The following MIPOL1 variants were observed in gnomAD, a reference collection of about 807,000 sequenced individuals.
MIPOL1 encodes mirror-image polydactyly gene 1 protein.
A neutral mutation model predicts 60.9 loss-of-function variants in MIPOL1; 57 were observed. That is an observed-to-expected ratio of 0.94 (90% CI 0.76 to 1.17). The LOEUF (loss-of-function observed/expected upper bound fraction) is 1.17, where lower values mean the gene tolerates loss of function less well. Ranked by LOEUF, MIPOL1 falls within the 50% of genes most tolerant of loss-of-function variation. The pLI, the probability that MIPOL1 is intolerant of heterozygous loss-of-function variation, is 0.00. For synonymous variants in MIPOL1, 179 were observed against 168.8 expected (o/e 1.06, Z -0.47); for missense variants, 551 against 511.6 (o/e 1.08, Z -0.74).
chr14:37,408,782 C>T (rs1178814416), intron 10 of MIPOL1, among the ~76,000 whole-genome samples: 1 of 152,160 alleles, frequency 6.6e-6, no homozygotes, highest in African/African-American at 2.4e-5. Context: ...TACCGTGTGG[C>T]AGGCAGATAC....
At chr14:37,471,083 C>T (rs888475001) in intron 11 of MIPOL1, among the ~76,000 whole-genome samples, 1 of 152,152 alleles carries the variant, frequency 6.6e-6, no homozygotes, top group African/African-American at 2.4e-5. Flanking sequence ...CATGTACTCA[C>T]TGAATCTATA....
intron 12 of MIPOL1, among the ~76,000 whole-genome samples, chr14:37,526,196 CTTTT>C (rs78866640): frequency 3.8e-5 from 5 of 133,120 alleles, no homozygotes; most frequent in Non-Finnish European, 6.5e-5. Flanking sequence ...TGTATATATG[CTTTT>C]TTTTTTTTTT....
intron 11 of MIPOL1, among the ~76,000 whole-genome samples, chr14:37,484,529 G>A (rs1389788709): frequency 1.3e-5 from 2 of 151,794 alleles, no homozygotes; most frequent in East Asian, 1.9e-4. Flanking sequence ...GTAGAGATGA[G>A]GTTTCACCAT....
chr14:37,358,023 T>C (rs1440306694), intron 9 of MIPOL1, among the ~76,000 whole-genome samples: 1 of 151,140 alleles, frequency 6.6e-6, no homozygotes, highest in South Asian at 2.1e-4. Context: ...CCGTGTGTGA[T>C]GTTCCCTGCC....
chr14:37,461,811 C>G (rs1487693075), intron 11 of MIPOL1, among the ~76,000 whole-genome samples: 1 of 152,192 alleles, frequency 6.6e-6, no homozygotes, highest in Admixed American at 6.5e-5. Context: ...CATGCTGATG[C>G]AAGAGGTAGG....
At chr14:37,449,922 C>T (rs1340035445) in intron 11 of MIPOL1, among the ~76,000 whole-genome samples, 1 of 152,086 alleles carries the variant, frequency 6.6e-6, no homozygotes, top group African/African-American at 2.4e-5. Context: ...AAGTGATTCT[C>T]CTGCCTCAGC....
intron 10 of MIPOL1, among the ~76,000 whole-genome samples, chr14:37,384,809 G>A (rs1382272425): frequency 1.3e-5 from 2 of 151,626 alleles, no homozygotes; most frequent in Non-Finnish European, 2.9e-5. Flanking sequence ...GTTTTTTAAG[G>A]GCAATTTTAT....
intron 1 of MIPOL1, among the ~76,000 whole-genome samples, chr14:37,221,340 C>G (rs1057421916): frequency 6.6e-6 from 1 of 152,202 alleles, no homozygotes; most frequent in Non-Finnish European, 1.5e-5. Flanking sequence ...AACAAAACTA[C>G]TCTTGTGATA....
At position 37,299,658 on chromosome 14, in the gene MIPOL1, A is replaced by G. The variant is rs1401496624; in HGVS notation, c.624-8398A>G. Reference sequence around the variant, plus strand: ...TATTTCTAGAACAGTTGTGAAGATCATACAGATAGTTGCTGCATAATCCTC... The same window carrying G: ...TATTTCTAGAACAGTTGTGAAGATCGTACAGATAGTTGCTGCATAATCCTC... On this transcript the variant is annotated intron_variant, in intron 7 of 12. Transcript: ENST00000684589. Among the ~76,000 whole-genome samples the G allele has an allele frequency of 2.6e-5, 4 of 152,130 alleles. 1 individual carries two copies. The highest frequency in any genetic ancestry group is 2.6e-4 in the Admixed American group (4 of 15,248).
At chr14:37,307,410 G>A (rs2086877948) in intron 7 of MIPOL1, among the ~76,000 whole-genome samples, 2 of 151,842 alleles carry the variant, frequency 1.3e-5, no homozygotes, top group Admixed American at 6.6e-5. Context: ...CATTTCAGTA[G>A]CCACTACGAC....
rs2095434652 is a variant in MIPOL1, at chr14:37,524,565, CTTTTCT to C, written c.1263-22335_1263-22330del. ...TCTTGACATCTTAATTTTTCTTTTTCTTTTCTTTTTTTTTTTTTTTGAGATGGAGTC... is the reference window on the plus strand; with the variant it reads ...TCTTGACATCTTAATTTTTCTTTTTCTTTTTTTTTTTTTTGAGATGGAGTC... On this transcript the variant is annotated intron_variant, in intron 12 of 12. Coordinates refer to ENST00000684589, the MANE Select transcript of MIPOL1 (RefSeq NM_001388067.1). Among the ~76,000 whole-genome samples the C allele has an allele frequency of 1.4e-4, 18 of 124,824 alleles. 1 individual carries two copies. In the South Asian group the frequency reaches 2.0e-3, roughly 14 times the overall value. The allele number at this position is 124,824 out of a possible 152,430, so 81.9% of individuals were successfully genotyped here. A position where few individuals can be genotyped will look rare whatever the true frequency, so the allele number is the denominator to read the frequency against.
At chr14:37,546,409 T>C (rs2095547665) in intron 12 of MIPOL1, among the ~76,000 whole-genome samples, 1 of 152,220 alleles carries the variant, frequency 6.6e-6, no homozygotes, top group Non-Finnish European at 1.5e-5. Context: ...TCTGGCTTTA[T>C]GTTTATCAGC....
At chr14:37,354,244 T>C (rs2091631348) in intron 9 of MIPOL1, among the ~76,000 whole-genome samples, 1 of 151,672 alleles carries the variant, frequency 6.6e-6, no homozygotes, top group Non-Finnish European at 1.5e-5. Context: ...TCCTGAGTTC[T>C]AGTTTGATTG....
chr14:37,460,722 G>A (rs950661174), intron 11 of MIPOL1, among the ~76,000 whole-genome samples: 1 of 152,098 alleles, frequency 6.6e-6, no homozygotes, highest in African/African-American at 2.4e-5. Context: ...TAACATTCAA[G>A]CTGAGAACCA....
At chr14:37,223,436 A>G (rs1455376971) in intron 1 of MIPOL1, among the ~76,000 whole-genome samples, 1 of 152,152 alleles carries the variant, frequency 6.6e-6, no homozygotes, top group African/African-American at 2.4e-5. Context: ...CTGTATAGAC[A>G]TATGAGGAGT....
intron 9 of MIPOL1, among the ~76,000 whole-genome samples, chr14:37,329,053 G>A (rs1307622740): frequency 2.0e-5 from 3 of 151,166 alleles, no homozygotes; most frequent in Admixed American, 1.3e-4. Context: ...ATTATACTTT[G>A]TTTTTTTTTA....
At chr14:37,485,364 G>A (rs1051002138) in intron 11 of MIPOL1, among the ~76,000 whole-genome samples, 7 of 152,030 alleles carry the variant, frequency 4.6e-5, no homozygotes, top group African/African-American at 1.7e-4. Context: ...GGTATTGCTG[G>A]GTCAAATGCT....
chr14:37,248,301 G>A (rs2153357033), intron 3 of MIPOL1, among the ~76,000 whole-genome samples: 1 of 152,130 alleles, frequency 6.6e-6, no homozygotes, highest in East Asian at 1.9e-4. Context: ...GATCCTCAGA[G>A]AAAGAGACAC....
chr14:37,326,407 A>G (rs2089163652), intron 9 of MIPOL1, among the ~76,000 whole-genome samples: 1 of 152,190 alleles, frequency 6.6e-6, no homozygotes, highest in Non-Finnish European at 1.5e-5. Context: ...GTAAGTTCAC[A>G]GACAGTTTTT....
Sources: gnomAD v4.1 joint callset for allele counts (sites outside exome capture counted in the v4.1 genomes callset) on GRCh38, gnomAD v4.1.1 for gene constraint, MANE v1.5 for transcripts, NCBI Gene and HGNC (gene_info 2026-07-23, HGNC 2026-07-21) for gene names.